DAB1: variants seen among roughly 807,000 people sequenced by gnomAD.
The protein encoded by DAB1 is disabled homolog 1.
DAB1 carries 15 observed loss-of-function variants against 64.6 expected under a neutral mutation model. That is an observed-to-expected ratio of 0.23 (90% confidence interval 0.16 to 0.36). The LOEUF (loss-of-function observed/expected upper bound fraction) is 0.36. Among genes scored for constraint, DAB1 ranks in the 10% least tolerant of loss-of-function variants. DAB1 has a pLI of 1.00. For synonymous variants in DAB1, 235 were observed against 251.9 expected, an observed-to-expected ratio of 0.93 and a Z score of 0.64; for missense variants, 596 against 706.7, an observed-to-expected ratio of 0.84 and a Z score of 1.78.
chr1:57,901,997 A>C (rs957601181), intron 5 of DAB1, among the ~76,000 whole-genome samples: 2 of 152,022 alleles, frequency 1.3e-5, no homozygotes, highest in Non-Finnish European at 2.9e-5. Flanking sequence ...CTCTACAAAA[A>C]AAACAAAATT....
chr1:57,063,288 G>A (rs956846305), intron 8 of DAB1, among the ~76,000 whole-genome samples: 2 of 152,112 alleles, frequency 1.3e-5, no homozygotes, highest in African/African-American at 2.4e-5. Flanking sequence ...GGCGTAGGGA[G>A]GTGCTATACT....
chr1:57,667,561 A>G (rs1170830647), intron 6 of DAB1, among the ~76,000 whole-genome samples: 1 of 152,112 alleles, frequency 6.6e-6, no homozygotes, highest in Non-Finnish European at 1.5e-5. Flanking sequence ...CTTGTCATAG[A>G]TACTTAGTAA....
chr1:57,428,122 C>A (rs1032443128), upstream of DAB1, among the ~76,000 whole-genome samples: 2 of 151,876 alleles, frequency 1.3e-5, no homozygotes, highest in Non-Finnish European at 2.9e-5. Flanking sequence ...GAGCTGAGAT[C>A]GCACCATTGT....
intron 3 of DAB1, among the ~76,000 whole-genome samples, chr1:58,393,639 C>T (rs1295956599): frequency 6.6e-6 from 1 of 152,030 alleles, no homozygotes; most frequent in Non-Finnish European, 1.5e-5. Context: ...CAAGAAGATA[C>T]ATATCACACT....
At chr1:57,587,699 A>T (rs1172053713) in intron 7 of DAB1, among the ~76,000 whole-genome samples, 1 of 152,190 alleles carries the variant, frequency 6.6e-6, no homozygotes, top group African/African-American at 2.4e-5. Context: ...TCAATTATCT[A>T]AGAGAGGTAT....
intron 5 of DAB1, among the ~76,000 whole-genome samples, chr1:57,980,668 C>T (rs947178184): frequency 2.6e-5 from 4 of 152,130 alleles, no homozygotes; most frequent in African/African-American, 9.7e-5. Context: ...TGCTTCTTTG[C>T]TTCTCTTTCC....
intron 3 of DAB1, among the ~76,000 whole-genome samples, chr1:58,473,485 T>G (rs1645384967): frequency 6.6e-6 from 1 of 151,716 alleles, no homozygotes; most frequent in Non-Finnish European, 1.5e-5. Context: ...GAGCTTGCAG[T>G]GAGCCGAGAT....
chr1:58,492,933 T>C (rs1016333800), intron 3 of DAB1, among the ~76,000 whole-genome samples: 1 of 152,176 alleles, frequency 6.6e-6, no homozygotes, highest in Non-Finnish European at 1.5e-5. Flanking sequence ...AGCATCATCC[T>C]GATACCAAAG....
chr1:57,916,673 C>T (rs1644731261), intron 5 of DAB1, among the ~76,000 whole-genome samples: 1 of 152,244 alleles, frequency 6.6e-6, no homozygotes, highest in Non-Finnish European at 1.5e-5. Context: ...CGTGGTGGCT[C>T]ACGCCTGTAA....
intron 2 of DAB1, among the ~76,000 whole-genome samples, chr1:57,192,449 GT>G (rs1664227738): frequency 6.6e-6 from 1 of 152,092 alleles, no homozygotes; most frequent in African/African-American, 2.4e-5. Flanking sequence ...TAGGCCTCAG[GT>G]TACTCATCCA....
chr1:57,258,864 G>A lies in DAB1; in HGVS notation c.67+32100C>T, dbSNP rs140765793. 7.2e-4 allele frequency among the ~76,000 whole-genome samples: 110 copies of A among 152,198 alleles called. 1 individual carries two copies. The highest frequency in any genetic ancestry group is 2.5e-3 in the African/African-American group (104 of 41,534). On this transcript the variant is annotated intron_variant, in intron 2 of 14. Coordinates refer to ENST00000371236, the MANE Select transcript of DAB1 (RefSeq NM_001365792.1). Reference sequence around the variant, plus strand: ...AGAGAATGGGAGGCACAGGCTTGGTGAGGAGGGTGAGTTCTGCACCCACCT... The same window carrying A: ...AGAGAATGGGAGGCACAGGCTTGGTAAGGAGGGTGAGTTCTGCACCCACCT...
intron 3 of DAB1, among the ~76,000 whole-genome samples, chr1:58,465,264 G>A (rs1645283226): frequency 1.3e-5 from 2 of 152,134 alleles, no homozygotes. Context: ...AAGCCACAAG[G>A]TGGACTGCAG....
chr1:57,393,889 G>T (rs535839323), intron 1 of DAB1, among the ~76,000 whole-genome samples: 4 of 152,116 alleles, frequency 2.6e-5, no homozygotes, highest in Non-Finnish European at 4.4e-5. Context: ...GCAGAAAAAG[G>T]TTCACTGACC....
intron 2 of DAB1, among the ~76,000 whole-genome samples, chr1:57,262,878 C>A (rs1207883641): frequency 6.6e-6 from 1 of 152,146 alleles, no homozygotes; most frequent in Non-Finnish European, 1.5e-5. Flanking sequence ...GAAAACCCAC[C>A]TCTCAGGTAT....
chr1:58,511,191 G>T (rs1385288693), intron 2 of DAB1, among the ~76,000 whole-genome samples: 3 of 152,102 alleles, frequency 2.0e-5, no homozygotes, highest in East Asian at 3.9e-4. Context: ...AAAAGAGTAA[G>T]ACTAGAGGCA....
chr1:57,513,944 T>A (rs1386409194), intron 7 of DAB1, among the ~76,000 whole-genome samples: 1 of 152,208 alleles, frequency 6.6e-6, no homozygotes. Context: ...TGAGATCATG[T>A]GTGTTTGTCT....
chr1:57,317,807 C>A (rs2100754133), intron 1 of DAB1, among the ~76,000 whole-genome samples: 1 of 152,140 alleles, frequency 6.6e-6, no homozygotes, highest in South Asian at 2.1e-4. Flanking sequence ...ATGAAGTTTT[C>A]TTATTTATTT....
At chr1:58,425,010 G>A (rs985152456) in intron 3 of DAB1, among the ~76,000 whole-genome samples, 13 of 152,280 alleles carry the variant, frequency 8.5e-5, no homozygotes, top group Middle Eastern at 3.4e-3. Context: ...ATATGGCTCC[G>A]TAATGGACAT....
rs149047297 is a variant in DAB1 at position 57,071,635 on chromosome 1, G to A, written c.445C>T (p.Pro149Ser). 2.8e-5 allele frequency: 45 copies of A among 1,612,942 alleles called. No individual in the cohort carries two copies. The highest frequency in any genetic ancestry group is 3.6e-5 in the Non-Finnish European group (42 of 1,179,796). ...AGATCTCTCAAGTCCAGAATAACAG[G>A]TTCAGCCTGGGATGAAAGGTAGTAA... ...VAIKTAQAAE[P>S]VILDLRDLFQ... Residue 149 changes from proline (P) to serine (S), a missense_variant, in exon 6 of 15, where the codon CCT becomes TCT. Physicochemically the swap from Pro to Ser is moderately conservative, Grantham distance 74 (BLOSUM62 -1). Coordinates refer to ENST00000371236, the MANE Select transcript of DAB1 (RefSeq NM_001365792.1).
Sources: gnomAD v4.1 joint callset for allele counts (sites outside exome capture counted in the v4.1 genomes callset) on GRCh38, gnomAD v4.1.1 for gene constraint, MANE v1.5 for transcripts, NCBI Gene and HGNC (gene_info 2026-07-23, HGNC 2026-07-21) for gene names.